The following DENND1B variants were observed in gnomAD, a reference collection of about 807,000 sequenced individuals.
DENND1B encodes the protein DENN domain containing 1B.
Under a neutral mutation model 90.1 loss-of-function variants are expected in DENND1B, and 59 were observed. The observed-to-expected ratio is 0.65, with a 90% confidence interval of 0.53 to 0.81. The LOEUF (loss-of-function observed/expected upper bound fraction) is 0.81, where lower values mean the gene tolerates loss of function less well. DENND1B is among the 40% of genes least tolerant of loss of function. The pLI, the probability that DENND1B is intolerant of heterozygous loss-of-function variation, is 0.00. For synonymous variants in DENND1B, 337 were observed against 324.6 expected, an observed-to-expected ratio of 1.04 and a Z score of -0.41; for missense variants, 862 against 912.6, an observed-to-expected ratio of 0.94 and a Z score of 0.71.
At chr1:197,777,995 G>T (rs569854034), upstream of DENND1B, among the ~76,000 whole-genome samples, 2 of 152,140 alleles carry the variant, frequency 1.3e-5, no homozygotes, top group South Asian at 4.1e-4. Flanking sequence ...TAATGGGAGA[G>T]ATGAGTTTAA....
chr1:197,735,523 G>C, intron 2 of DENND1B: 1 of 1,609,572 alleles, frequency 6.2e-7, no homozygotes, highest in Non-Finnish European at 8.5e-7. Flanking sequence ...ACTTTAGTGT[G>C]AACTATGAAA....
intron 10 of DENND1B, among the ~76,000 whole-genome samples, chr1:197,626,038 T>C (rs1172581412): frequency 6.6e-6 from 1 of 152,034 alleles, no homozygotes; most frequent in Non-Finnish European, 1.5e-5. Flanking sequence ...CTAAGTGACC[T>C]ACAAAGAGAC....
chr1:197,538,792 C>G (rs1212115131), intron 20 of DENND1B, among the ~76,000 whole-genome samples: 1 of 150,374 alleles, frequency 6.7e-6, no homozygotes, highest in Non-Finnish European at 1.5e-5. Context: ...ATTTAATTGC[C>G]ATTGTAATGG....
intron 13 of DENND1B, among the ~76,000 whole-genome samples, chr1:197,604,617 T>C (rs897384135): frequency 6.6e-6 from 1 of 151,204 alleles, no homozygotes; most frequent in Admixed American, 6.6e-5. Flanking sequence ...ATTTAAATGC[T>C]TTGGTGAAGG....
chr1:197,676,024 C>A (rs1285271098), intron 3 of DENND1B, among the ~76,000 whole-genome samples: 2 of 135,586 alleles, frequency 1.5e-5, no homozygotes, highest in Non-Finnish European at 3.0e-5. Flanking sequence ...TAAACCTCCG[C>A]ACTCTTTAAA....
rs376033649 is a variant in DENND1B, at chr1:197,537,638, T to C, written c.1515+2326A>G. ...GGCAGTAATCATTTCGTTATGTATA[T>C]GTATATCAAAACATCATGTTATACA... On this transcript the variant is annotated intron_variant, in intron 20 of 22. Coordinates refer to ENST00000620048, the MANE Select transcript of DENND1B (RefSeq NM_001195215.2). 1.1e-4 allele frequency among the ~76,000 whole-genome samples: 17 copies of C among 152,118 alleles called. No individual in the cohort carries two copies. The East Asian group carries it at 1.3e-3, about 12-fold the overall frequency.
chr1:197,512,608 CT>C (rs1668109000), intron 21 of DENND1B, among the ~76,000 whole-genome samples: 1 of 151,570 alleles, frequency 6.6e-6, no homozygotes, highest in Non-Finnish European at 1.5e-5. Flanking sequence ...AGATGGGCTT[CT>C]ATTGCCCCTT....
At chr1:197,661,618 C>A (rs553595567) in intron 5 of DENND1B, among the ~76,000 whole-genome samples, 10 of 152,082 alleles carry the variant, frequency 6.6e-5, no homozygotes, top group Admixed American at 3.3e-4. Context: ...GTCATTTTCA[C>A]CTTATTTAAA....
chr1:197,652,798 C>G (rs1453308073), intron 6 of DENND1B, among the ~76,000 whole-genome samples: 1 of 152,002 alleles, frequency 6.6e-6, no homozygotes, highest in African/African-American at 2.4e-5. Context: ...TATTTCTTTT[C>G]TACATTGCTA....
At chr1:197,750,691 G>A (rs189245858) in intron 2 of DENND1B, among the ~76,000 whole-genome samples, 224 of 152,240 alleles carry the variant, frequency 1.5e-3, no homozygotes, top group Non-Finnish European at 2.1e-3. Flanking sequence ...CACTAATTAT[G>A]AGGAAGGCAG....
At chr1:197,649,279 G>C (rs1412814709) in intron 7 of DENND1B, among the ~76,000 whole-genome samples, 1 of 152,114 alleles carries the variant, frequency 6.6e-6, no homozygotes, top group Non-Finnish European at 1.5e-5. Context: ...ATAGAAAATG[G>C]GGAGCTACGA....
chr1:197,781,657 C>T, the DENND1B span, among the ~76,000 whole-genome samples: 1 of 152,128 alleles, frequency 6.6e-6, no homozygotes, highest in Non-Finnish European at 1.5e-5. Context: ...GGATCAATAT[C>T]TTCCCTGAAA....
intron 5 of DENND1B, among the ~76,000 whole-genome samples, chr1:197,662,348 C>T (rs1654488980): frequency 1.3e-5 from 2 of 151,976 alleles, no homozygotes; most frequent in African/African-American, 4.8e-5. Context: ...ATATGAATGA[C>T]AGTACATTGG....
At chr1:197,670,168 T>C (rs1262676521) in intron 5 of DENND1B, among the ~76,000 whole-genome samples, 1 of 152,152 alleles carries the variant, frequency 6.6e-6, no homozygotes, top group African/African-American at 2.4e-5. Flanking sequence ...TTTCCTCAAT[T>C]TAAACAGAAA....
upstream of DENND1B, among the ~76,000 whole-genome samples, chr1:197,780,037 G>A (rs1657388675): frequency 6.6e-6 from 1 of 152,138 alleles, no homozygotes; most frequent in African/African-American, 2.4e-5. Flanking sequence ...TAGCAATTCA[G>A]AAACATAAAC....
intron 15 of DENND1B, among the ~76,000 whole-genome samples, chr1:197,556,489 A>AT (rs1011975241): frequency 3.9e-5 from 6 of 152,006 alleles, no homozygotes; most frequent in African/African-American, 1.4e-4. Context: ...GGAATCTTAG[A>AT]TTTTTTAGAG....
At chr1:197,594,832 T>C (rs1278621071) in intron 14 of DENND1B, among the ~76,000 whole-genome samples, 1 of 152,134 alleles carries the variant, frequency 6.6e-6, no homozygotes, top group Non-Finnish European at 1.5e-5. Context: ...ACCTGTCATT[T>C]CTAAACTCAT....
intron 20 of DENND1B, among the ~76,000 whole-genome samples, chr1:197,523,982 T>A (rs1033128736): frequency 1.3e-5 from 2 of 151,672 alleles, no homozygotes; most frequent in Non-Finnish European, 2.9e-5. Context: ...TAAAAAAAAC[T>A]CAAATGATGT....
At chr1:197,764,177 TC>T (rs1370247537) in intron 2 of DENND1B, among the ~76,000 whole-genome samples, 20 of 152,310 alleles carry the variant, frequency 1.3e-4, no homozygotes, top group Non-Finnish European at 2.9e-5. Flanking sequence ...CAAGTTCAAA[TC>T]CTAGTCTTAC....
Sources: gnomAD v4.1 joint callset for allele counts (sites outside exome capture counted in the v4.1 genomes callset) on GRCh38, gnomAD v4.1.1 for gene constraint, MANE v1.5 for transcripts, NCBI Gene and HGNC (gene_info 2026-07-23, HGNC 2026-07-21) for gene names.